The following TEC variants were observed in gnomAD, a reference collection of about 807,000 sequenced individuals.
TEC encodes tyrosine-protein kinase Tec.
TEC carries 72 observed loss-of-function variants against 93.0 expected under a neutral mutation model. The observed-to-expected ratio is 0.77, with a 90% CI of 0.64 to 0.94. The LOEUF (loss-of-function observed/expected upper bound fraction) is 0.94. TEC is among the 40% of genes least tolerant of loss of function. The pLI is 0.00. For synonymous variants in TEC, 249 were observed against 247.7 expected (o/e 1.01, Z -0.05); for missense variants, 630 against 757.9 (o/e 0.83, Z 1.98).
intron 5 of TEC, among the ~76,000 whole-genome samples, chr4:48,169,850 T>C (rs1037898122): frequency 6.6e-6 from 1 of 152,136 alleles, no homozygotes; most frequent in African/African-American, 2.4e-5. Context: ...ACTACTGAAA[T>C]CCATACTGCT....
At chr4:48,185,032 A>G (rs1721758543) in intron 2 of TEC, among the ~76,000 whole-genome samples, 2 of 151,988 alleles carry the variant, frequency 1.3e-5, no homozygotes, top group South Asian at 4.2e-4. Flanking sequence ...ATATCAAAGT[A>G]CCATAATAGA....
intron 14 of TEC, chr4:48,141,687 T>C (rs1719678360): frequency 4.9e-6 from 1 of 203,120 alleles, no homozygotes; most frequent in Non-Finnish European, 9.2e-6. Context: ...TTTTCTTTCT[T>C]TTTTTTTTTT....
intron 10 of TEC, among the ~76,000 whole-genome samples, chr4:48,150,342 G>A (rs143420941): frequency 1.2e-3 from 184 of 152,208 alleles, no homozygotes; most frequent in South Asian, 9.1e-3. Flanking sequence ...GAAACACTCC[G>A]TCTCCTCCCT....
At chr4:48,224,498 C>T (rs529006647) in intron 2 of TEC, among the ~76,000 whole-genome samples, 100 of 152,298 alleles carry the variant, frequency 6.6e-4, no homozygotes, top group African/African-American at 2.4e-3. Context: ...TCATTTAGCC[C>T]CGTGACTAGA....
At chr4:48,170,866 C>T (rs1289998978) in intron 4 of TEC, among the ~76,000 whole-genome samples, 3 of 152,152 alleles carry the variant, frequency 2.0e-5, no homozygotes, top group African/African-American at 7.2e-5. Context: ...GCCTGGCCAA[C>T]ATGGTGAAAC....
chr4:48,167,939 T>A lies in TEC; in HGVS notation c.510A>T (p.Pro170=). 6.2e-7 allele frequency: 1 copy of A among 1,613,752 alleles called. No homozygotes were observed. Among genetic ancestry groups the A allele is most frequent in the Non-Finnish European group, 8.5e-7 (1 of 1,179,830 alleles). The change falls in exon 7 of 18, where the codon CCA becomes CCT. Residue 170 remains proline, a synonymous_variant. Coordinates refer to ENST00000381501, the MANE Select transcript of TEC (RefSeq NM_003215.3). ...TATCTTCTTCTTCTAGTGGAATTGG[T>A]GGGGGAGGCCTTCGCTAGACAAGGA... ...APETKKRRPP[P]PIPLEEEDNS...
At chr4:48,154,801 C>T (rs1402946212) in intron 9 of TEC, among the ~76,000 whole-genome samples, 1 of 152,092 alleles carries the variant, frequency 6.6e-6, no homozygotes, top group African/African-American at 2.4e-5. Flanking sequence ...AAACAAGGGT[C>T]TTAATACAAC....
chr4:48,258,145 G>T (rs77136203), intron 1 of TEC, among the ~76,000 whole-genome samples: 43 of 139,936 alleles, frequency 3.1e-4, no homozygotes, highest in South Asian at 2.9e-3. Flanking sequence ...TGTTTTTTTG[G>T]TTTTTTTTTT....
At chr4:48,233,256 A>C (rs540216285) in intron 1 of TEC, among the ~76,000 whole-genome samples, 24 of 152,208 alleles carry the variant, frequency 1.6e-4, no homozygotes, top group African/African-American at 2.2e-4. Context: ...AAGTGTCCCC[A>C]AAAAAATGGC....
chr4:48,219,272 A>G (rs1470990054), intron 2 of TEC, among the ~76,000 whole-genome samples: 1 of 152,234 alleles, frequency 6.6e-6, no homozygotes, highest in Admixed American at 6.5e-5. Context: ...CTCCTTGGTC[A>G]AGCGGTAACG....
intron 2 of TEC, among the ~76,000 whole-genome samples, chr4:48,189,475 G>A (rs566755694): frequency 6.6e-6 from 1 of 152,260 alleles, no homozygotes; most frequent in East Asian, 1.9e-4. Context: ...TCCCACCCCC[G>A]AGGTTTCAAT....
intron 2 of TEC, among the ~76,000 whole-genome samples, chr4:48,198,014 C>G (rs1722358077): frequency 6.6e-6 from 1 of 152,248 alleles, no homozygotes; most frequent in African/African-American, 2.4e-5. Context: ...CTCTGCCTGA[C>G]TCCATTCCTG....
At chr4:48,160,976 A>G (rs1720634658) in intron 8 of TEC, among the ~76,000 whole-genome samples, 1 of 152,026 alleles carries the variant, frequency 6.6e-6, no homozygotes, top group Non-Finnish European at 1.5e-5. Flanking sequence ...CTATACATCT[A>G]GAAATTAGGC....
Position 48,170,249 on chromosome 4 carries a change from G to A in TEC, c.453C>T (p.Ser151=), listed in dbSNP as rs2271173. The A allele has an allele frequency of 0.37, 573,449 of 1,562,926 alleles. 115,697 individuals carry two copies. The highest frequency in any genetic ancestry group is 0.89 in the East Asian group (39,473 of 44,216). The stretch of plus-strand genomic sequence containing the variant: ...TTATGGAATAAAATGAATACTTACT[G>A]CTCTCAAAAAGATTGTATTTTTCAC... ...PGCEKYNLFE[S]SIRKALPPAP... is the part of the protein sequence containing the mutation. Residue 151 remains serine (S), a splice_region_variant and synonymous_variant, in exon 5 of 18, where the codon AGC becomes AGT. Transcript: ENST00000381501.
intron 2 of TEC, among the ~76,000 whole-genome samples, chr4:48,182,742 C>G (rs1395297170): frequency 1.3e-5 from 2 of 152,088 alleles, no homozygotes; most frequent in Non-Finnish European, 2.9e-5. Flanking sequence ...GATTCTGTCC[C>G]CCAGCAAGAC....
At chr4:48,212,446 G>T (rs1722946470) in intron 2 of TEC, among the ~76,000 whole-genome samples, 3 of 152,146 alleles carry the variant, frequency 2.0e-5, no homozygotes, top group Non-Finnish European at 4.4e-5. Context: ...AGACATCTTG[G>T]TTCGCCTCCT....
intron 2 of TEC, among the ~76,000 whole-genome samples, chr4:48,180,099 C>G (rs554431962): frequency 6.6e-6 from 1 of 152,284 alleles, no homozygotes; most frequent in South Asian, 2.1e-4. Flanking sequence ...AATTCATACT[C>G]TGTGATATAT....
intron 11 of TEC, among the ~76,000 whole-genome samples, chr4:48,148,878 T>C (rs1720035604): frequency 6.6e-6 from 1 of 152,190 alleles, no homozygotes; most frequent in Non-Finnish European, 1.5e-5. Flanking sequence ...TATGTGTCCA[T>C]GTATTCCTAT....
chr4:48,150,938 T>G lies in TEC; in HGVS notation c.797A>C (p.Lys266Thr). The change falls in exon 10 of 18, where the codon AAA becomes ACA. Residue 266 changes from lysine to threonine, a missense_variant. This residue lies in a region of TEC where 335 missense variants were observed against 351.5 expected (regional missense o/e 0.95). Coordinates refer to ENST00000381501, the MANE Select transcript of TEC (RefSeq NM_003215.3). The stretch of plus-strand genomic sequence containing the variant: ...ATCCCTTACCATAAAACCACCTTCT[T>G]TATCCTAAAATCCAAGTTCAGAAAA... ...KAEQLLRSED[K>T]EGGFMVRDSS... is the part of the protein sequence containing the mutation. 1 of 1,582,326 alleles carries G rather than the reference T, an allele frequency of 6.3e-7. No homozygotes were observed. The highest frequency in any genetic ancestry group is 8.6e-7 in the Non-Finnish European group (1 of 1,165,608).
Sources: allele counts gnomAD v4.1 joint callset (sites outside exome capture counted in the v4.1 genomes callset), GRCh38; gene constraint gnomAD v4.1.1; regional missense constraint gnomAD v4.1.1; transcripts MANE v1.5; gene names NCBI Gene and HGNC (gene_info 2026-07-23, HGNC 2026-07-21).